UBE3C: variants seen among roughly 807,000 people sequenced by gnomAD.
UBE3C encodes ubiquitin-protein ligase E3C.
UBE3C carries 42 observed loss-of-function variants against 129.4 expected under a neutral mutation model. The observed-to-expected ratio is 0.32, with a 90% CI of 0.25 to 0.42. The LOEUF is 0.42. Ranked by LOEUF, UBE3C falls within the 10% of genes least tolerant of loss-of-function variation. The probability of loss-of-function intolerance (pLI) is 1.00; values close to 1 mark genes in which losing one functional copy is unlikely to be tolerated. For missense variants in UBE3C, 1,049 were observed against 1,319.1 expected, an observed-to-expected ratio of 0.80 and a Z score of 3.17; for synonymous variants, 510 against 492.4, an observed-to-expected ratio of 1.04 and a Z score of -0.47.
At position 157,252,705 on chromosome 7, in the gene UBE3C, A is replaced by G. The variant is rs1296473837; in HGVS notation, c.2695-1249A>G. ...GACTGGGACATCAGTGCCATTGCCC[A>G]GAGGCAGCAGTCTTGTCTGTTACTC... On this transcript the variant is annotated intron_variant, in intron 19 of 22. Coordinates refer to ENST00000348165, the MANE Select transcript of UBE3C (RefSeq NM_014671.3). 3.3e-5 allele frequency among the ~76,000 whole-genome samples: 5 copies of G among 152,268 alleles called. No individual in the cohort carries two copies. In the East Asian group the frequency reaches 7.7e-4, roughly 23 times the overall value.
At chr7:157,226,938 G>A (rs28505161) in intron 17 of UBE3C, among the ~76,000 whole-genome samples, 15,498 of 152,110 alleles carry the variant, frequency 0.1, 900 homozygotes, top group African/African-American at 0.14. Flanking sequence ...CTAACTAATC[G>A]TCTAATTGAG....
intron 2 of UBE3C, among the ~76,000 whole-genome samples, chr7:157,167,335 T>C (rs1808245230): frequency 6.6e-6 from 1 of 152,206 alleles, no homozygotes; most frequent in South Asian, 2.1e-4. Flanking sequence ...GCTTTGTAGA[T>C]GGCATTCATA....
Position 157,191,347 on chromosome 7 carries a change from C to T in UBE3C, c.1331+4326C>T, listed in dbSNP as rs573722559. On this transcript the variant is annotated intron_variant, in intron 10 of 22. Coordinates refer to ENST00000348165, the MANE Select transcript of UBE3C (RefSeq NM_014671.3). ...CACTTTGTCACCCAGGCTGGAGTGC[C>T]GTGGCGTGATCTCAGCTCACTGAAA... Among the ~76,000 whole-genome samples the T allele has an allele frequency of 2.6e-5, 4 of 152,292 alleles. No homozygotes were observed. The South Asian group carries it at 8.3e-4, about 32-fold the overall frequency.
Position 157,178,814 on chromosome 7 carries a change from A to G in UBE3C, c.583A>G (p.Ile195Val). The stretch of plus-strand genomic sequence containing the variant: ...AGATGCTAGCTATGTGGTGTCAGTG[A>G]TTGAACAAATTTTGCACTACATGAT... ...LQDASYVVSV[I>V]EQILHYMIHN... is the part of the protein sequence containing the mutation. Residue 195 changes from isoleucine (I) to valine (V), a missense_variant, in exon 6 of 23, where the codon ATT (isoleucine) becomes GTT (valine). By Grantham distance (29) the Ile-to-Val change is conservative (BLOSUM62 3). Around this residue, in one of 4 missense-constraint regions of UBE3C, gnomAD observed 489 missense variants for 513.8 expected, o/e 0.95. Coordinates refer to ENST00000348165, the MANE Select transcript of UBE3C (RefSeq NM_014671.3). 6.2e-7 allele frequency: 1 copy of G among 1,614,190 alleles called. No individual in the cohort carries two copies. Among genetic ancestry groups the G allele is most frequent in the Non-Finnish European group, 8.5e-7 (1 of 1,180,024 alleles).
chr7:157,208,055 CTTTTT>C (rs35366316), intron 13 of UBE3C, 120 bp downstream of exon 13: 82 of 93,518 alleles, frequency 8.8e-4, no homozygotes, highest in Middle Eastern at 5.1e-3. Flanking sequence ...ATTTGCAAGA[CTTTTT>C]TTTTTTTTTT....
At chr7:157,218,902 G>A (rs1795659613) in intron 14 of UBE3C, among the ~76,000 whole-genome samples, 1 of 152,130 alleles carries the variant, frequency 6.6e-6, no homozygotes, top group African/African-American at 2.4e-5. Flanking sequence ...CATATTTGTA[G>A]GATGCAAAGG....
At chr7:157,199,958 C>T (rs974177482) in intron 10 of UBE3C, among the ~76,000 whole-genome samples, 2 of 151,900 alleles carry the variant, frequency 1.3e-5, no homozygotes, top group Admixed American at 6.6e-5. Context: ...GTTGGAGACC[C>T]CGTTTGAGAT....
At chr7:157,249,286 T>C (rs796380477) in intron 19 of UBE3C, among the ~76,000 whole-genome samples, 8 of 151,880 alleles carry the variant, frequency 5.3e-5, no homozygotes, top group African/African-American at 1.9e-4. Flanking sequence ...TGTCTCTGCA[T>C]GGGCCTGCTG....
At chr7:157,211,986 T>G (rs1434679380) in intron 13 of UBE3C, among the ~76,000 whole-genome samples, 1 of 152,228 alleles carries the variant, frequency 6.6e-6, no homozygotes, top group Non-Finnish European at 1.5e-5. Flanking sequence ...AACGGTTGTT[T>G]TCCAACGAGG....
chr7:157,219,075 G>T (rs1795663978), intron 14 of UBE3C, among the ~76,000 whole-genome samples: 1 of 152,140 alleles, frequency 6.6e-6, no homozygotes, highest in Non-Finnish European at 1.5e-5. Flanking sequence ...TTGCAAACTA[G>T]AATCAGCCTG....
At chr7:157,253,544 T>C (rs1796671088) in intron 19 of UBE3C, among the ~76,000 whole-genome samples, 1 of 152,208 alleles carries the variant, frequency 6.6e-6, no homozygotes, top group South Asian at 2.1e-4. Flanking sequence ...TGGATGAAAA[T>C]GAGAAATCAC....
intron 16 of UBE3C, among the ~76,000 whole-genome samples, chr7:157,224,013 G>GT (rs796230254): frequency 1.1e-3 from 157 of 148,068 alleles, no homozygotes; most frequent in South Asian, 1.9e-3. Context: ...CAGAAACGAT[G>GT]TTTTTTTTTT....
At chr7:157,237,419 C>T (rs1158420157) in intron 18 of UBE3C, among the ~76,000 whole-genome samples, 5 of 151,958 alleles carry the variant, frequency 3.3e-5, no homozygotes, top group African/African-American at 7.3e-5. Flanking sequence ...CCAGCCTGGG[C>T]GACAGAGCGA....
At chr7:157,176,425 C>T (rs1418863665) in intron 5 of UBE3C, among the ~76,000 whole-genome samples, 1 of 152,186 alleles carries the variant, frequency 6.6e-6, no homozygotes, top group East Asian at 1.9e-4. Context: ...CAGGCACGTG[C>T]CACCACGCCC....
At chr7:157,230,992 C>T in intron 17 of UBE3C, 88 bp from the exon 18 acceptor site, 1 of 1,532,010 alleles carries the variant, frequency 6.5e-7, no homozygotes, top group Non-Finnish European at 8.8e-7. Context: ...TCCTCACACC[C>T]CTTCCTTAAG....
At chr7:157,158,612 A>T (rs917631501) in intron 1 of UBE3C, among the ~76,000 whole-genome samples, 23 of 152,244 alleles carry the variant, frequency 1.5e-4, no homozygotes, top group African/African-American at 5.5e-4. Flanking sequence ...GTCCATTTTT[A>T]GATAGGGACA....
chr7:157,256,760 G>C lies in UBE3C; in HGVS notation c.2951-154G>C. On this transcript the variant is annotated intron_variant, in intron 21 of 22. Coordinates refer to ENST00000348165, the MANE Select transcript of UBE3C (RefSeq NM_014671.3). ...TAGAGATCATGGAAGTGCACAGCACGTACACAGGTGATACACACATGCCAC... is the reference window on the plus strand; with the variant it reads ...TAGAGATCATGGAAGTGCACAGCACCTACACAGGTGATACACACATGCCAC... 4.7e-6 allele frequency: 4 copies of C among 851,048 alleles called. 1 individual carries two copies. The South Asian group carries it at 6.8e-5, about 15-fold the overall frequency. 52.7% of individuals were successfully genotyped at this position (851,048 alleles called of 1,614,324 possible).
At position 157,207,400 on chromosome 7, in the gene UBE3C, C is replaced by G. The variant is rs746010456; in HGVS notation, c.1421C>G (p.Ser474Cys). 2 of 1,610,600 alleles carry G rather than the reference C, an allele frequency of 1.2e-6. No individual in the cohort carries two copies. Among genetic ancestry groups the G allele is most frequent in the Non-Finnish European group, 8.5e-7 (1 of 1,179,388 alleles). ...SSMSTRMITG[S>C]MVPLLQVISR... ...TTTCTTCTTTTCTTTAATTCAAGGT[C>G]TATGGTACCGTTGCTTCAGGTGATA... The change falls in exon 12 of 23, where the codon TCT becomes TGT. Residue 474 changes from serine (S) to cysteine (C), a missense_variant and splice_region_variant. By Grantham distance (112) the Ser-to-Cys change is moderately radical (BLOSUM62 -1). Transcript: ENST00000348165.
chr7:157,148,452 A>G (rs1586642434), intron 1 of UBE3C, among the ~76,000 whole-genome samples: 1 of 152,256 alleles, frequency 6.6e-6, no homozygotes, highest in Middle Eastern at 3.4e-3. Context: ...TAGACTGTTA[A>G]GATGGTAAGA....
Sources: gnomAD v4.1 joint callset for allele counts (sites outside exome capture counted in the v4.1 genomes callset) on GRCh38, gnomAD v4.1.1 for gene constraint, gnomAD v4.1.1 regional missense constraint, MANE v1.5 for transcripts, NCBI Gene and HGNC (gene_info 2026-07-23, HGNC 2026-07-21) for gene names.